The following ADGRL4 variants were observed in gnomAD, a reference collection of about 807,000 sequenced individuals.
ADGRL4 encodes the protein adhesion G protein-coupled receptor L4.
Under a neutral mutation model 74.8 loss-of-function variants are expected in ADGRL4, and 90 were observed. That is an observed-to-expected ratio of 1.20 (90% CI 1.02 to 1.43). ADGRL4 has a LOEUF of 1.43. Ranked by LOEUF, ADGRL4 falls within the 40% of genes most tolerant of loss-of-function variation. ADGRL4 has a pLI of 0.00. For missense variants in ADGRL4, 881 were observed against 814.3 expected, an observed-to-expected ratio of 1.08 and a Z score of -1.00; for synonymous variants, 311 against 279.2, an observed-to-expected ratio of 1.11 and a Z score of -1.14.
At chr1:79,002,977 G>T (rs759768439) in intron 2 of ADGRL4, among the ~76,000 whole-genome samples, 4 of 151,878 alleles carry the variant, frequency 2.6e-5, no homozygotes, top group African/African-American at 4.8e-5. Context: ...ACATTTCTTT[G>T]GTACCTCTGA....
intron 12 of ADGRL4, among the ~76,000 whole-genome samples, chr1:78,896,591 A>G (rs780943294): frequency 3.3e-5 from 5 of 152,068 alleles, no homozygotes; most frequent in Non-Finnish European, 5.9e-5. Flanking sequence ...ATTTCCACAG[A>G]CACTATCCTG....
chr1:78,920,702 C>G (rs962855273), intron 9 of ADGRL4, among the ~76,000 whole-genome samples: 1 of 151,518 alleles, frequency 6.6e-6, no homozygotes, highest in Non-Finnish European at 1.5e-5. Flanking sequence ...GAAAGGCAAT[C>G]GATTATTATA....
At chr1:78,919,047 T>C (rs1251504211) in intron 10 of ADGRL4, among the ~76,000 whole-genome samples, 1 of 151,942 alleles carries the variant, frequency 6.6e-6, no homozygotes, top group Non-Finnish European at 1.5e-5. Context: ...ATACATAAAA[T>C]TGAAAAGTGT....
At chr1:78,985,109 A>G (rs1255542500) in intron 2 of ADGRL4, among the ~76,000 whole-genome samples, 1 of 151,644 alleles carries the variant, frequency 6.6e-6, no homozygotes, top group Non-Finnish European at 1.5e-5. Context: ...ATTTCATTTT[A>G]GTCTCTTTTT....
At chr1:79,006,459 C>G (rs541944646) in intron 1 of ADGRL4, among the ~76,000 whole-genome samples, 174 bp downstream of exon 1, 2 of 152,308 alleles carry the variant, frequency 1.3e-5, no homozygotes, top group East Asian at 3.9e-4. Flanking sequence ...GAATATTCAA[C>G]TTTAGAGTTG....
intron 2 of ADGRL4, among the ~76,000 whole-genome samples, chr1:79,002,697 C>T (rs979244028): frequency 3.3e-5 from 5 of 152,150 alleles, no homozygotes; most frequent in East Asian, 1.9e-4. Flanking sequence ...ACAGCCTGTA[C>T]TCTTAATCAA....
chr1:78,936,144 AAAAG>A, intron 7 of ADGRL4, 147 bp downstream of exon 7: 2 of 83,606 alleles, frequency 2.4e-5, no homozygotes, highest in Non-Finnish European at 1.8e-5. Flanking sequence ...AAAAAAAAAA[AAAAG>A]AATATGGATA....
chr1:79,003,271 T>A (rs2100744801), intron 2 of ADGRL4, among the ~76,000 whole-genome samples: 1 of 152,142 alleles, frequency 6.6e-6, no homozygotes, highest in South Asian at 2.1e-4. Flanking sequence ...AAAAAAAGGT[T>A]AAAAACCTGT....
At chr1:78,985,044 A>G (rs900138710) in intron 2 of ADGRL4, among the ~76,000 whole-genome samples, 1 of 151,758 alleles carries the variant, frequency 6.6e-6, no homozygotes, top group Non-Finnish European at 1.5e-5. Flanking sequence ...TAGTTAATTT[A>G]AAATTTATTT....
At chr1:78,900,013 C>T (rs923077468) in intron 12 of ADGRL4, among the ~76,000 whole-genome samples, 19 of 152,242 alleles carry the variant, frequency 1.2e-4, no homozygotes, top group African/African-American at 4.1e-4. Context: ...AATATAATCA[C>T]ATGAGCCTTT....
In ADGRL4 at chr1:78,937,886, GTGCATGAGTTT is replaced by G. The variant is rs769335946; in HGVS notation, c.670_680del (p.Lys224HisfsTer3). 1 of 1,613,988 alleles carries G rather than the reference GTGCATGAGTTT, an allele frequency of 6.2e-7. No homozygotes were observed. The highest frequency in any genetic ancestry group is 8.5e-7 in the Non-Finnish European group (1 of 1,179,918). Reference sequence around the variant, plus strand: ...TCCTTAAAGTAGCTTGTTCAACAGTGTGCATGAGTTTTGTAAGATGTGTTCTCCTATGATTC... The same window carrying G: ...TCCTTAAAGTAGCTTGTTCAACAGTGTGTAAGATGTGTTCTCCTATGATTC... On this transcript the variant is annotated frameshift_variant, in exon 6 of 15. Coordinates refer to ENST00000370742, the MANE Select transcript of ADGRL4 (RefSeq NM_022159.4). LOFTEE classifies it high-confidence loss of function.
At chr1:78,903,718 G>A (rs545932830) in intron 12 of ADGRL4, among the ~76,000 whole-genome samples, 1 of 151,896 alleles carries the variant, frequency 6.6e-6, no homozygotes, top group Non-Finnish European at 1.5e-5. Context: ...GGTGGATCAC[G>A]AGGTCAAGAG....
At chr1:78,919,614 G>T (rs1648953894) in intron 10 of ADGRL4, among the ~76,000 whole-genome samples, 1 of 151,732 alleles carries the variant, frequency 6.6e-6, no homozygotes, top group Non-Finnish European at 1.5e-5. Flanking sequence ...CTTCCCATTT[G>T]CTCTCCCCAG....
intron 8 of ADGRL4, among the ~76,000 whole-genome samples, chr1:78,924,678 G>A (rs1262104984): frequency 1.3e-5 from 2 of 152,024 alleles, no homozygotes; most frequent in African/African-American, 4.8e-5. Flanking sequence ...ATTAACAATG[G>A]ATAAATAGAA....
intron 7 of ADGRL4, among the ~76,000 whole-genome samples, chr1:78,935,751 G>C (rs1039611581): frequency 2.6e-5 from 4 of 151,960 alleles, no homozygotes; most frequent in African/African-American, 9.7e-5. Context: ...AAAAGTTGGA[G>C]GTAAGACAAG....
chr1:78,973,069 C>G (rs1650203070), intron 2 of ADGRL4, among the ~76,000 whole-genome samples: 1 of 152,160 alleles, frequency 6.6e-6, no homozygotes. Context: ...ATCATTTCCT[C>G]CTTTAACTCC....
intron 7 of ADGRL4, among the ~76,000 whole-genome samples, chr1:78,931,529 G>T (rs1267214071): frequency 6.6e-5 from 10 of 151,310 alleles, no homozygotes. Context: ...CAACTAGTGT[G>T]TAAAATAACC....
At chr1:78,966,293 G>A (rs1650054586) in intron 2 of ADGRL4, among the ~76,000 whole-genome samples, 1 of 152,154 alleles carries the variant, frequency 6.6e-6, no homozygotes, top group African/African-American at 2.4e-5. Context: ...TGAGTTTGCG[G>A]AAAGTCCCTG....
chr1:78,977,624 G>A (rs1164815599), intron 2 of ADGRL4, among the ~76,000 whole-genome samples: 2 of 151,870 alleles, frequency 1.3e-5, no homozygotes. Flanking sequence ...GAGAAAAAGA[G>A]ACCAATGAAA....
Sources: gnomAD v4.1 joint callset for allele counts (sites outside exome capture counted in the v4.1 genomes callset) on GRCh38, gnomAD v4.1.1 for gene constraint, MANE v1.5 for transcripts, NCBI Gene and HGNC (gene_info 2026-07-23, HGNC 2026-07-21) for gene names.